Variants in MKX observed in about 807,000 individuals in gnomAD.
The protein encoded by MKX is homeobox protein Mohawk.
MKX carries 13 observed loss-of-function variants against 36.0 expected under a neutral mutation model. The observed-to-expected ratio is 0.36, with a 90% CI of 0.24 to 0.57. The LOEUF is 0.57. MKX is among the 20% of genes least tolerant of loss of function. The pLI is 0.79. For synonymous variants in MKX, 176 were observed against 178.3 expected, an observed-to-expected ratio of 0.99 and a Z score of 0.10; for missense variants, 458 against 456.4, an observed-to-expected ratio of 1.00 and a Z score of -0.03.
At chr10:27,708,740 A>AAT (rs146833457) in intron 5 of MKX, among the ~76,000 whole-genome samples, 3,570 of 150,248 alleles carry the variant, frequency 0.024, 153 homozygotes, top group African/African-American at 0.08. Flanking sequence ...AAAAAAAAAA[A>AAT]CGACTATTGC....
At chr10:27,676,379 TC>T (rs199765606) in intron 5 of MKX, among the ~76,000 whole-genome samples, 2,524 of 147,324 alleles carry the variant, frequency 0.017, 111 homozygotes, top group African/African-American at 0.063. Context: ...TTTTTCTTTT[TC>T]TTTTTTTTTT....
intron 5 of MKX, among the ~76,000 whole-genome samples, chr10:27,710,920 A>G (rs1434242775): frequency 6.6e-6 from 1 of 152,216 alleles, no homozygotes; most frequent in East Asian, 1.9e-4. Flanking sequence ...CGGCCTCTCA[A>G]AGTGCTGGGA....
At chr10:27,691,383 AG>A (rs1236501746) in intron 5 of MKX, among the ~76,000 whole-genome samples, 1 of 152,180 alleles carries the variant, frequency 6.6e-6, no homozygotes, top group African/African-American at 2.4e-5. Flanking sequence ...GGACTGTTTT[AG>A]TAAATAACCA....
At chr10:27,725,964 C>G (rs1323887093) in intron 5 of MKX, among the ~76,000 whole-genome samples, 2 of 152,094 alleles carry the variant, frequency 1.3e-5, no homozygotes, top group East Asian at 3.9e-4. Context: ...TATTTAGAAG[C>G]CCTAGGGAAT....
chr10:27,735,414 CATT>C (rs1834736068), intron 3 of MKX, 40 bp from the exon 4 acceptor site: 1 of 1,555,674 alleles, frequency 6.4e-7, no homozygotes, highest in African/African-American at 1.4e-5. Context: ...AACTTAAAAA[CATT>C]ATCCATGGTG....
intron 5 of MKX, among the ~76,000 whole-genome samples, chr10:27,732,149 A>G (rs1444050221): frequency 5.3e-5 from 8 of 152,208 alleles, no homozygotes; most frequent in Admixed American, 2.6e-4. Flanking sequence ...ATGCAGTCTT[A>G]ATCTGATTTG....
Position 27,743,432 on chromosome 10 carries a change from G to C in MKX, c.-17C>G. ...GGTGTTCATGGTGTCGGTTGGTAGG[G>C]ACGCGCGGCGCGGCCGCAGAGCCTC... On this transcript the variant is annotated 5_prime_UTR_variant, in exon 2 of 7. Coordinates refer to ENST00000419761, the MANE Select transcript of MKX (RefSeq NM_173576.3). 1 of 1,523,978 alleles carries C rather than the reference G, an allele frequency of 6.6e-7. No individual in the cohort carries two copies. The highest frequency in any genetic ancestry group is 2.3e-5 in the Admixed American group (1 of 43,646). The allele number at this position is 1,523,978 out of a possible 1,614,324, so 94.4% of individuals were successfully genotyped here.
At chr10:27,675,610 C>T in intron 5 of MKX, 56 bp from the exon 6 acceptor site, 4 of 1,536,176 alleles carry the variant, frequency 2.6e-6, no homozygotes, top group Middle Eastern at 1.8e-4. Flanking sequence ...CTTTTCTCAT[C>T]TCAGGAGTTT....
At chr10:27,739,690 C>A (rs1233837918) in intron 3 of MKX, among the ~76,000 whole-genome samples, 1 of 152,032 alleles carries the variant, frequency 6.6e-6, no homozygotes, top group Non-Finnish European at 1.5e-5. Context: ...TTAAAAATGT[C>A]CTAAAATATG....
intron 5 of MKX, among the ~76,000 whole-genome samples, chr10:27,694,757 T>C (rs1038694603): frequency 4.0e-5 from 6 of 150,548 alleles, no homozygotes; most frequent in Non-Finnish European, 5.9e-5. Flanking sequence ...CAGAACTAGA[T>C]GGTGAATGAG....
In MKX at chr10:27,744,711, TACAC is replaced by T. The variant is rs3063184; in HGVS notation, c.-83+992_-83+995del. ...CTCCACTAACACACGCGCGCGCGCA[TACAC>T]ACACACACACACACACACACACACA... On this transcript the variant is annotated intron_variant, in intron 1 of 6. Coordinates refer to ENST00000419761, the MANE Select transcript of MKX (RefSeq NM_173576.3). This position sits in a 1 kb window ranked among gnomAD's most constrained non-coding sequence, Gnocchi z 5.6. The T allele has an allele frequency of 0.012, 1,725 of 142,468 alleles. 9 individuals carry two copies. The highest frequency in any genetic ancestry group is 0.018 in the South Asian group (80 of 4,370). The allele number at this position is 142,468 out of a possible 1,614,324, so 8.8% of individuals were successfully genotyped here.
At chr10:27,738,084 AG>A (rs1044417979) in intron 3 of MKX, among the ~76,000 whole-genome samples, 1 of 152,100 alleles carries the variant, frequency 6.6e-6, no homozygotes, top group Admixed American at 6.5e-5. Flanking sequence ...GTTACACATT[AG>A]GTGATTTTCC....
intron 3 of MKX, among the ~76,000 whole-genome samples, chr10:27,737,634 C>T (rs1452445903): frequency 6.6e-6 from 1 of 152,108 alleles, no homozygotes; most frequent in Non-Finnish European, 1.5e-5. Flanking sequence ...GTACTAACCT[C>T]CCTCTGTTGA....
Position 27,704,961 on chromosome 10 carries a change from T to C in MKX, c.839-29407A>G, listed in dbSNP as rs535045607. ...TGTTAATGAATATTACAGGCTCATC[T>C]CCCTCCATAAAGAGCTGTTCAAATT... On this transcript the variant is annotated intron_variant, in intron 5 of 6. Transcript: ENST00000419761. 2.0e-5 allele frequency among the ~76,000 whole-genome samples: 3 copies of C among 152,252 alleles called. No homozygotes were observed. In the East Asian group the frequency reaches 5.8e-4, roughly 29 times the overall value.
chr10:27,711,494 T>TCTCTTCCTTCCTTC lies in MKX; in HGVS notation c.838+22961_838+22962insGAAGGAAGGAAGAG, dbSNP rs1554772211. 1.8e-3 allele frequency among the ~76,000 whole-genome samples: 60 copies of TCTCTTCCTTCCTTC among 34,116 alleles called. No individual in the cohort carries two copies. In the Middle Eastern group the frequency reaches 0.034, roughly 19 times the overall value. The allele number at this position is 34,116 out of a possible 152,430, so 22.4% of individuals were successfully genotyped here. A position where few individuals can be genotyped will look rare whatever the true frequency, so the allele number is the denominator to read the frequency against. ...TTCTTTCTTTCTTTCTCTCTCTCTC[T>TCTCTTCCTTCCTTC]CTTCTTTCCTTCCTTCCTTCCTTCC... is the stretch of plus-strand genomic sequence containing the variant. On this transcript the variant is annotated intron_variant, in intron 5 of 6. Transcript: ENST00000419761.
chr10:27,715,903 C>A (rs1451080371), intron 5 of MKX, among the ~76,000 whole-genome samples: 8 of 130,918 alleles, frequency 6.1e-5, no homozygotes, highest in Non-Finnish European at 1.1e-4. Context: ...TTGCTCTGGG[C>A]ATAGTGGGAA....
intron 4 of MKX, 91 bp from the exon 5 acceptor site, chr10:27,734,882 G>A: frequency 2.8e-6 from 2 of 721,862 alleles, no homozygotes; most frequent in South Asian, 4.4e-5. Flanking sequence ...AATATATAAA[G>A]GAAATATATT....
At chr10:27,677,524 A>G (rs139294669) in intron 5 of MKX, among the ~76,000 whole-genome samples, 6 of 152,336 alleles carry the variant, frequency 3.9e-5, no homozygotes, top group African/African-American at 1.4e-4. Flanking sequence ...TTATATGCCC[A>G]TGAGGCAGCC....
chr10:27,693,346 T>G (rs1349659084), intron 5 of MKX, among the ~76,000 whole-genome samples: 1 of 152,046 alleles, frequency 6.6e-6, no homozygotes, highest in Non-Finnish European at 1.5e-5. Context: ...GCAGGAGAGG[T>G]ATTTCTGTAG....
Sources: allele counts gnomAD v4.1 joint callset (sites outside exome capture counted in the v4.1 genomes callset), GRCh38; gene constraint gnomAD v4.1.1; non-coding constraint Gnocchi (gnomAD v3.1); transcripts MANE v1.5; gene names NCBI Gene and HGNC (gene_info 2026-07-23, HGNC 2026-07-21).